Variants in ZZZ3 observed in about 807,000 individuals in gnomAD.
The protein encoded by ZZZ3 is ZZ-type zinc finger-containing protein 3.
A neutral mutation model predicts 95.2 loss-of-function variants in ZZZ3; 22 were observed. The observed-to-expected ratio is 0.23, with a 90% confidence interval of 0.17 to 0.33. The LOEUF is 0.33. Among genes scored for constraint, ZZZ3 ranks in the 10% least tolerant of loss-of-function variants. The pLI is 1.00. For missense variants in ZZZ3, 885 were observed against 1,066.5 expected, an observed-to-expected ratio of 0.83 and a Z score of 2.37; for synonymous variants, 335 against 358.9, an observed-to-expected ratio of 0.93 and a Z score of 0.75.
chr1:77,654,809 A>C (rs968748649), intron 1 of ZZZ3, among the ~76,000 whole-genome samples: 3 of 152,050 alleles, frequency 2.0e-5, no homozygotes, highest in Non-Finnish European at 4.4e-5. Flanking sequence ...GTGGAAAATA[A>C]ATTTCTTCCT....
intron 1 of ZZZ3, among the ~76,000 whole-genome samples, chr1:77,663,893 G>A (rs915288411): frequency 4.6e-5 from 7 of 151,906 alleles, no homozygotes; most frequent in Admixed American, 2.6e-4. Context: ...GGGATTACAG[G>A]TGCGTGCCAC....
intron 5 of ZZZ3, among the ~76,000 whole-genome samples, chr1:77,620,477 G>A (rs538991502): frequency 1.5e-5 from 2 of 136,024 alleles, no homozygotes; most frequent in Non-Finnish European, 1.6e-5. Context: ...AAGAAAGAAC[G>A]AAAGAATGGA....
At chr1:77,633,869 G>A (rs1668050418) in intron 4 of ZZZ3, among the ~76,000 whole-genome samples, 1 of 152,100 alleles carries the variant, frequency 6.6e-6, no homozygotes, top group Admixed American at 6.6e-5. Context: ...TTTCATTTTG[G>A]TCATTAAAAT....
chr1:77,636,824 C>A (rs1382039454), intron 4 of ZZZ3, among the ~76,000 whole-genome samples: 1 of 148,972 alleles, frequency 6.7e-6, no homozygotes, highest in Non-Finnish European at 1.5e-5. Context: ...AATATGAAAA[C>A]ACTGATTAAT....
At chr1:77,619,303 G>A (rs992205004) in intron 5 of ZZZ3, among the ~76,000 whole-genome samples, 1 of 151,992 alleles carries the variant, frequency 6.6e-6, no homozygotes, top group South Asian at 2.1e-4. Flanking sequence ...CTATATGTAG[G>A]CTATCATTTC....
intron 1 of ZZZ3, among the ~76,000 whole-genome samples, chr1:77,654,290 A>G (rs1308014496): frequency 6.6e-6 from 1 of 152,002 alleles, no homozygotes; most frequent in Non-Finnish European, 1.5e-5. Context: ...ATGCCACTTG[A>G]TATACATTTA....
chr1:77,650,058 G>A (rs1435857653), intron 1 of ZZZ3, among the ~76,000 whole-genome samples: 1 of 152,082 alleles, frequency 6.6e-6, no homozygotes, highest in Non-Finnish European at 1.5e-5. Flanking sequence ...GCACTTCAAA[G>A]TATGCTAAGA....
In ZZZ3 at chr1:77,579,646, C is replaced by G; in HGVS notation, c.1981-18G>C. The G allele has an allele frequency of 7.1e-7, 1 of 1,410,666 alleles. No homozygotes were observed. The highest frequency in any genetic ancestry group is 1.3e-5 in the South Asian group (1 of 75,338). 87.4% of individuals were successfully genotyped at this position (1,410,666 alleles called of 1,614,324 possible). A position where few individuals can be genotyped will look rare whatever the true frequency, so the allele number is the denominator to read the frequency against. ...AGCTTTTTCTAAGCCATACCCAAGACCAAATTTAAGAAAATATGTATTTAA... is the reference window on the plus strand; with the variant it reads ...AGCTTTTTCTAAGCCATACCCAAGAGCAAATTTAAGAAAATATGTATTTAA... On this transcript the variant is annotated intron_variant, in intron 9 of 14. Transcript: ENST00000370801.
At chr1:77,599,126 TTAAA>T (rs535666904) in intron 5 of ZZZ3, among the ~76,000 whole-genome samples, 10 of 152,030 alleles carry the variant, frequency 6.6e-5, no homozygotes, top group South Asian at 2.1e-4. Flanking sequence ...TAAAGAGTAT[TTAAA>T]TAAATAAATA....
intron 4 of ZZZ3, 143 bp downstream of exon 4, chr1:77,639,306 T>C: frequency 2.0e-6 from 1 of 509,394 alleles, no homozygotes; most frequent in Non-Finnish European, 3.3e-6. Flanking sequence ...TGCAGCTCCA[T>C]ACTCCTATAA....
intron 5 of ZZZ3, among the ~76,000 whole-genome samples, chr1:77,595,340 A>G (rs1664120889): frequency 6.6e-6 from 1 of 152,092 alleles, no homozygotes; most frequent in African/African-American, 2.4e-5. Flanking sequence ...TGTTATGAAC[A>G]AAATGATCAT....
chr1:77,681,721 G>A (rs964536117), intron 1 of ZZZ3, among the ~76,000 whole-genome samples: 10 of 151,904 alleles, frequency 6.6e-5, no homozygotes, highest in African/African-American at 2.2e-4. Flanking sequence ...GTGAAACCCC[G>A]TCTCTACTAA....
chr1:77,640,122 T>C (rs1668640829), intron 3 of ZZZ3, among the ~76,000 whole-genome samples: 1 of 152,108 alleles, frequency 6.6e-6, no homozygotes, highest in African/African-American at 2.4e-5. Flanking sequence ...GCTACAAAAT[T>C]CAATTACAAA....
intron 1 of ZZZ3, among the ~76,000 whole-genome samples, chr1:77,662,436 A>C (rs1442942161): frequency 6.6e-6 from 1 of 152,050 alleles, no homozygotes; most frequent in Non-Finnish European, 1.5e-5. Context: ...AAACCAATGC[A>C]CCTCACCCAA....
At chr1:77,677,145 C>G (rs1484106003) in intron 1 of ZZZ3, 1 of 152,146 alleles carries the variant, frequency 6.6e-6, no homozygotes, top group Non-Finnish European at 1.5e-5. Context: ...TCCAGACCAG[C>G]CTGACTAACA....
chr1:77,585,736 A>AATAG (rs1250722554), intron 5 of ZZZ3, among the ~76,000 whole-genome samples: 2 of 152,212 alleles, frequency 1.3e-5, no homozygotes, highest in Non-Finnish European at 2.9e-5. Flanking sequence ...TTTCTAAAGG[A>AATAG]ATAGATATTC....
intron 11 of ZZZ3, among the ~76,000 whole-genome samples, chr1:77,576,527 G>C (rs1661963790): frequency 1.3e-5 from 2 of 152,122 alleles, no homozygotes; most frequent in Non-Finnish European, 2.9e-5. Context: ...TGGCTGCACT[G>C]AATTCTTATG....
Position 77,624,657 on chromosome 1 carries a change from A to G in ZZZ3, c.1505+7193T>C, listed in dbSNP as rs1301652252. On this transcript the variant is annotated intron_variant, in intron 5 of 14. Transcript: ENST00000370801. ...ACTCTTCATTTGGATCCTTCGAAAT[A>G]TCCTTTGTAATTAATCAGCCGTAAT... is the stretch of plus-strand genomic sequence containing the variant. 3.9e-5 allele frequency among the ~76,000 whole-genome samples: 6 copies of G among 152,276 alleles called. No individual in the cohort carries two copies. In the South Asian group the frequency reaches 6.2e-4, roughly 16 times the overall value.
intron 1 of ZZZ3, among the ~76,000 whole-genome samples, chr1:77,672,906 T>C (rs1194098123): frequency 1.3e-5 from 2 of 152,190 alleles, no homozygotes; most frequent in Non-Finnish European, 2.9e-5. Flanking sequence ...AAGTCAGACA[T>C]TTAAACTCTC....
Sources: gnomAD v4.1 joint callset for allele counts (sites outside exome capture counted in the v4.1 genomes callset) on GRCh38, gnomAD v4.1.1 for gene constraint, MANE v1.5 for transcripts, NCBI Gene and HGNC (gene_info 2026-07-23, HGNC 2026-07-21) for gene names.